The following DENND10 variants were observed in gnomAD, a reference collection of about 807,000 sequenced individuals.
DENND10 encodes the protein DENN domain containing 10.
In DENND10, 24 loss-of-function variants were observed where a neutral mutation model predicts 43.6. That is an observed-to-expected ratio of 0.55 (90% CI 0.40 to 0.77). The LOEUF is 0.77. DENND10 is among the 30% of genes least tolerant of loss of function. The probability of loss-of-function intolerance (pLI) is 0.00; values close to 1 mark genes in which losing one functional copy is unlikely to be tolerated. For synonymous variants in DENND10, 125 were observed against 157.6 expected (o/e 0.79, Z 1.55); for missense variants, 303 against 429.9 (o/e 0.70, Z 2.61).
Position 119,110,582 on chromosome 10 carries a change from G to A in DENND10, c.253-1267G>A, listed in dbSNP as rs536970902. 1.5e-3 allele frequency among the ~76,000 whole-genome samples: 226 copies of A among 151,996 alleles called. 2 individuals are homozygous for A. Among genetic ancestry groups the A allele is most frequent in the African/African-American group, 5.3e-3 (219 of 41,474 alleles). On this transcript the variant is annotated intron_variant, in intron 2 of 8. Transcript: ENST00000361432. Reference sequence around the variant, plus strand: ...AAGCAATTCCCTGCCTCAGCCTCCCGAGTAGCTGGGATTATAGGCACCTGC... The same window carrying A: ...AAGCAATTCCCTGCCTCAGCCTCCCAAGTAGCTGGGATTATAGGCACCTGC...
intron 6 of DENND10, among the ~76,000 whole-genome samples, chr10:119,127,031 TG>T (rs1313990031): frequency 6.6e-6 from 1 of 151,662 alleles, no homozygotes; most frequent in Non-Finnish European, 1.5e-5. Context: ...CCCAAGTAGC[TG>T]GGACTACAGG....
At chr10:119,108,596 CAG>C (rs1400782283) in intron 2 of DENND10, among the ~76,000 whole-genome samples, 2 of 152,004 alleles carry the variant, frequency 1.3e-5, no homozygotes, top group Non-Finnish European at 2.9e-5. Context: ...TATTATATGA[CAG>C]ACCCTGTAGT....
chr10:119,125,480 T>C (rs1011091861), intron 6 of DENND10, among the ~76,000 whole-genome samples: 1 of 150,474 alleles, frequency 6.6e-6, no homozygotes, highest in Non-Finnish European at 1.5e-5. Context: ...TTAAGAACAT[T>C]GTGATTCCAC....
chr10:119,124,962 G>GT (rs1190137571), intron 6 of DENND10, among the ~76,000 whole-genome samples: 14 of 151,316 alleles, frequency 9.3e-5, no homozygotes, highest in East Asian at 5.8e-4. Flanking sequence ...AACCTGTAAA[G>GT]TTTTTTTTTG....
At chr10:119,122,720 CT>C (rs1845633356) in intron 5 of DENND10, among the ~76,000 whole-genome samples, 1 of 152,046 alleles carries the variant, frequency 6.6e-6, no homozygotes, top group Non-Finnish European at 1.5e-5. Flanking sequence ...AAATCTATGT[CT>C]TAGGGAAACA....
At chr10:119,113,152 T>C (rs915791006) in intron 3 of DENND10, among the ~76,000 whole-genome samples, 17 of 151,046 alleles carry the variant, frequency 1.1e-4, no homozygotes, top group Non-Finnish European at 2.5e-4. Flanking sequence ...CACCCTGCCT[T>C]GCAGGGTTTT....
chr10:119,117,474 T>C (rs761595472), intron 3 of DENND10, 45 bp from the exon 4 acceptor site: 1 of 1,597,416 alleles, frequency 6.3e-7, no homozygotes, highest in Non-Finnish European at 8.6e-7. Context: ...TGTACATGAT[T>C]TGTGCCAAAT....
rs34630434 is a variant in DENND10, at chr10:119,125,501, CTTTTTTTTTT to C, written c.694+1947_694+1956del. ...ACATTGTGATTCCACTTCTAGTTTT[CTTTTTTTTTT>C]TTTTTTTTTTTTTTGAGTTGGAGTC... On this transcript the variant is annotated intron_variant, in intron 6 of 8. Coordinates refer to ENST00000361432, the MANE Select transcript of DENND10 (RefSeq NM_207009.4). Among the ~76,000 whole-genome samples, 12 of 65,854 alleles carry C rather than the reference CTTTTTTTTTT, an allele frequency of 1.8e-4. No individual in the cohort carries two copies. In the East Asian group the frequency reaches 4.1e-3, roughly 23 times the overall value. 43.2% of individuals were successfully genotyped at this position (65,854 alleles called of 152,430 possible). A position where few individuals can be genotyped will look rare whatever the true frequency, so the allele number is the denominator to read the frequency against.
At chr10:119,116,073 T>C (rs1292759020) in intron 3 of DENND10, among the ~76,000 whole-genome samples, 1 of 152,094 alleles carries the variant, frequency 6.6e-6, no homozygotes, top group Non-Finnish European at 1.5e-5. Flanking sequence ...CCTCAAGTGA[T>C]CTGTCTTAAA....
intron 1 of DENND10, chr10:119,105,698 G>A (rs1411649922): frequency 1.1e-5 from 2 of 185,842 alleles, no homozygotes; most frequent in African/African-American, 4.8e-5. Context: ...GCATTTAAAA[G>A]GGGTTTGCAG....
intron 8 of DENND10, among the ~76,000 whole-genome samples, chr10:119,136,021 T>C (rs538586756): frequency 3.3e-5 from 5 of 151,764 alleles, no homozygotes; most frequent in Non-Finnish European, 7.4e-5. Flanking sequence ...ACAAAAAGTA[T>C]TTAAAAATTA....
At chr10:119,136,147 C>T (rs1410541239) in intron 8 of DENND10, among the ~76,000 whole-genome samples, 1 of 152,290 alleles carries the variant, frequency 6.6e-6, no homozygotes, top group East Asian at 1.9e-4. Flanking sequence ...CACTGCACTG[C>T]AACCTGGGTA....
Position 119,132,446 on chromosome 10 carries a change from G to C in DENND10, c.803-69G>C. On this transcript the variant is annotated intron_variant, in intron 7 of 8. Transcript: ENST00000361432. This position sits in a 1 kb window ranked among gnomAD's most constrained non-coding sequence, Gnocchi z 4.2. ...AAATTCCCTCAGTGTGGTCTTCCAA[G>C]TTTTCAGATAGATGGCATGATTATT... is the stretch of plus-strand genomic sequence containing the variant. 3 of 1,369,632 alleles carry C rather than the reference G, an allele frequency of 2.2e-6. No individual in the cohort carries two copies. The highest frequency in any genetic ancestry group is 3.1e-6 in the Non-Finnish European group (3 of 958,886). The allele number at this position is 1,369,632 out of a possible 1,614,324, so 84.8% of individuals were successfully genotyped here. A position where few individuals can be genotyped will look rare whatever the true frequency, so the allele number is the denominator to read the frequency against.
chr10:119,115,926 G>A (rs1845247584), intron 3 of DENND10, among the ~76,000 whole-genome samples: 1 of 151,758 alleles, frequency 6.6e-6, no homozygotes, highest in African/African-American at 2.4e-5. Flanking sequence ...ACCAGGCCCA[G>A]CTAATTTTTA....
At chr10:119,116,488 G>A (rs1381204229) in intron 3 of DENND10, among the ~76,000 whole-genome samples, 2 of 152,156 alleles carry the variant, frequency 1.3e-5, no homozygotes, top group Non-Finnish European at 2.9e-5. Context: ...GAGAACCCCA[G>A]TTGTGAATGT....
chr10:119,109,914 G>A (rs1844897566), intron 2 of DENND10, among the ~76,000 whole-genome samples: 1 of 151,824 alleles, frequency 6.6e-6, no homozygotes, highest in Admixed American at 6.6e-5. Context: ...CTGGGCCCAA[G>A]TGATCCTCCC....
At chr10:119,125,173 C>T (rs1349356810) in intron 6 of DENND10, among the ~76,000 whole-genome samples, 2 of 151,812 alleles carry the variant, frequency 1.3e-5, no homozygotes, top group Non-Finnish European at 2.9e-5. Context: ...GGTTTCTCCA[C>T]GTTGGCCAGG....
At chr10:119,127,914 G>A (rs1354267542) in intron 6 of DENND10, among the ~76,000 whole-genome samples, 1 of 152,184 alleles carries the variant, frequency 6.6e-6, no homozygotes. Context: ...ACAGGCAGGA[G>A]CCACTGCCCC....
At chr10:119,135,808 A>AAAAAAAAAAAAG (rs1846319653) in intron 8 of DENND10, among the ~76,000 whole-genome samples, 1 of 150,118 alleles carries the variant, frequency 6.7e-6, no homozygotes, top group Non-Finnish European at 1.5e-5. Flanking sequence ...AAAAAAAAAA[A>AAAAAAAAAAAAG]AAAAAAAACC....
Sources: gnomAD v4.1 joint callset for allele counts (sites outside exome capture counted in the v4.1 genomes callset) on GRCh38, gnomAD v4.1.1 for gene constraint, Gnocchi (gnomAD v3.1) non-coding constraint, MANE v1.5 for transcripts, NCBI Gene and HGNC (gene_info 2026-07-23, HGNC 2026-07-21) for gene names.